CFAP96: variants seen among roughly 807,000 people sequenced by gnomAD.
The protein encoded by CFAP96 is cilia-and flagella-associated protein 96.
chr4:185,440,311 C>T, the CFAP96 span, among the ~76,000 whole-genome samples: 4 of 151,992 alleles, frequency 2.6e-5, no homozygotes, highest in Admixed American at 2.6e-4. Flanking sequence ...GTCTCAGTAT[C>T]GCAAATAAAT....
At chr4:185,429,567 T>TC in the CFAP96 span, 1 of 974,568 alleles carries the variant, frequency 1.0e-6, no homozygotes, top group Non-Finnish European at 1.5e-6. Flanking sequence ...TATATAAAAT[T>TC]TAGAATTTAA....
chr4:185,422,428 TCTC>T, the CFAP96 span: 1 of 1,244,320 alleles, frequency 8.0e-7, no homozygotes, highest in Non-Finnish European at 1.2e-6. Flanking sequence ...GTGGAAATAA[TCTC>T]AGTATATTTC....
chr4:185,429,989 G>T, the CFAP96 span, among the ~76,000 whole-genome samples: 2 of 152,168 alleles, frequency 1.3e-5, no homozygotes, highest in Admixed American at 6.5e-5. Flanking sequence ...GATTTTATGA[G>T]AATAGGAATC....
chr4:185,415,657 T>C, the CFAP96 span: 1 of 1,502,618 alleles, frequency 6.7e-7, no homozygotes, highest in Non-Finnish European at 9.1e-7. Flanking sequence ...CAAACATGGG[T>C]TTGGGGAAGG....
chr4:185,425,769 C>T, the CFAP96 span: 1 of 1,536,234 alleles, frequency 6.5e-7, no homozygotes, highest in Non-Finnish European at 8.8e-7. Flanking sequence ...TGGACCCCGG[C>T]AGGACCAGCT....
chr4:185,408,635 C>T, the CFAP96 span, among the ~76,000 whole-genome samples: 3 of 152,112 alleles, frequency 2.0e-5, no homozygotes, highest in Non-Finnish European at 1.5e-5. Context: ...ACCACAGGGC[C>T]CAGCAGGACC....
At chr4:185,436,775 A>G in the CFAP96 span, among the ~76,000 whole-genome samples, 684 of 150,976 alleles carry the variant, frequency 4.5e-3, 6 homozygotes, top group South Asian at 0.023. Flanking sequence ...GTTTTGTTCT[A>G]TCTATTTGTA....
the CFAP96 span, among the ~76,000 whole-genome samples, chr4:185,443,344 T>TATATATATA: frequency 4.7e-4 from 8 of 17,128 alleles, no homozygotes; most frequent in African/African-American, 1.6e-3. Context: ...ATATATATAT[T>TATATATATA]TTTTTTTTTT....
chr4:185,435,802 G>A, the CFAP96 span, among the ~76,000 whole-genome samples: 1 of 152,110 alleles, frequency 6.6e-6, no homozygotes, highest in African/African-American at 2.4e-5. Context: ...CTGAATTAAT[G>A]AGAATGATTC....
chr4:185,419,280 C>T, the CFAP96 span, among the ~76,000 whole-genome samples: 68 of 152,124 alleles, frequency 4.5e-4, no homozygotes, highest in African/African-American at 1.5e-3. Context: ...TACAGGTGCC[C>T]GCCACCACAC....
chr4:185,436,089 C>T, the CFAP96 span: 1 of 1,550,938 alleles, frequency 6.4e-7, no homozygotes, highest in Non-Finnish European at 8.7e-7. Flanking sequence ...TGGTCCAGTC[C>T]CATTTTTCAG....
chr4:185,433,787 A>G, the CFAP96 span, among the ~76,000 whole-genome samples: 2 of 152,252 alleles, frequency 1.3e-5, no homozygotes, highest in South Asian at 4.1e-4. Flanking sequence ...CTGTAATCCC[A>G]GCTACTCGGG....
At chr4:185,434,201 G>A in the CFAP96 span, among the ~76,000 whole-genome samples, 1 of 152,022 alleles carries the variant, frequency 6.6e-6, no homozygotes, top group Admixed American at 6.6e-5. Flanking sequence ...TGCAGCCTGG[G>A]CAACAGAGTG....
chr4:185,429,172 A>G, the CFAP96 span, among the ~76,000 whole-genome samples: 2 of 152,218 alleles, frequency 1.3e-5, no homozygotes, highest in African/African-American at 4.8e-5. Flanking sequence ...GAATCCCAGT[A>G]TTCTCCCCCA....
At chr4:185,440,043 T>C in the CFAP96 span, among the ~76,000 whole-genome samples, 1 of 149,328 alleles carries the variant, frequency 6.7e-6, no homozygotes, top group African/African-American at 2.5e-5. Context: ...TTTTTTTAAT[T>C]ATAAAAATGT....
the CFAP96 span, among the ~76,000 whole-genome samples, chr4:185,434,897 C>A: frequency 6.6e-6 from 1 of 152,140 alleles, no homozygotes; most frequent in South Asian, 2.1e-4. Flanking sequence ...CAGGCCACCA[C>A]GCCCGGCTAG....
the CFAP96 span, among the ~76,000 whole-genome samples, chr4:185,443,755 T>C: frequency 6.6e-6 from 1 of 151,894 alleles, no homozygotes; most frequent in Non-Finnish European, 1.5e-5. Context: ...AAAGCATCAC[T>C]TGGGTTTATT....
the CFAP96 span, among the ~76,000 whole-genome samples, chr4:185,442,817 ACTCCCC>A: frequency 6.6e-6 from 1 of 151,862 alleles, no homozygotes; most frequent in Non-Finnish European, 1.5e-5. Context: ...CTATCCCTTC[ACTCCCC>A]ACTTTTTACT....
chr4:185,439,613 A>G, the CFAP96 span, among the ~76,000 whole-genome samples: 1 of 151,792 alleles, frequency 6.6e-6, no homozygotes, highest in Non-Finnish European at 1.5e-5. Context: ...TTGCTACTTT[A>G]TTAATAGCCA....
Sources: allele counts gnomAD v4.1 joint callset (sites outside exome capture counted in the v4.1 genomes callset), GRCh38; gene constraint gnomAD v4.1.1; transcripts MANE v1.5; gene names NCBI Gene and HGNC (gene_info 2026-07-23, HGNC 2026-07-21).